The following FGF14 variants were observed in gnomAD, a reference collection of about 807,000 sequenced individuals.
FGF14 encodes fibroblast growth factor 14.
In FGF14, 5 loss-of-function variants were observed where a neutral mutation model predicts 25.5. The observed-to-expected ratio is 0.20, with a 90% CI of 0.10 to 0.41. The LOEUF is 0.41. Among genes scored for constraint, FGF14 ranks in the 10% least tolerant of loss-of-function variants. The pLI is 1.00. For synonymous variants in FGF14, 138 were observed against 118.3 expected (o/e 1.17, Z -1.08); for missense variants, 222 against 320.1 (o/e 0.69, Z 2.34).
At chr13:101,759,875 G>T (rs2037903161) in intron 3 of FGF14, among the ~76,000 whole-genome samples, 1 of 152,100 alleles carries the variant, frequency 6.6e-6, no homozygotes, top group Non-Finnish European at 1.5e-5. Flanking sequence ...ATAAATGAAA[G>T]GATCAGCCTG....
In FGF14 at chr13:101,718,863, A is replaced by G. The variant is rs1447702143; in HGVS notation, c.*3968T>C. The G allele has an allele frequency of 6.6e-6, 1 of 151,980 alleles. No homozygotes were observed. The highest frequency in any genetic ancestry group is 1.5e-5 in the Non-Finnish European group (1 of 67,988). 9.4% of individuals were successfully genotyped at this position (151,980 alleles called of 1,614,324 possible). A position where few individuals can be genotyped will look rare whatever the true frequency, so the allele number is the denominator to read the frequency against. On this transcript the variant is annotated 3_prime_UTR_variant, in exon 5 of 5. Transcript: ENST00000376143. Reference sequence around the variant, plus strand: ...CACTTTGAAACCCTACTCCATATTCAAGAGAGTCAACAGGCCCTATGTCAC... The same window carrying G: ...CACTTTGAAACCCTACTCCATATTCGAGAGAGTCAACAGGCCCTATGTCAC...
At position 102,105,552 on chromosome 13, in the gene FGF14, C is replaced by T. The variant is rs571662708; in HGVS notation, c.209-230256G>A. 1.2e-3 allele frequency among the ~76,000 whole-genome samples: 187 copies of T among 152,232 alleles called. 2 individuals are homozygous for T. Among genetic ancestry groups the T allele is most frequent in the African/African-American group, 4.2e-3 (174 of 41,544 alleles). On this transcript the variant is annotated intron_variant, in intron 1 of 4. Transcript: ENST00000376131. ...GCATTTTTATCACTGATAATCATTA[C>T]CTTCAATGGAGAGTTTTCTGCATTA...
chr13:101,878,460 C>T (rs1185718541), intron 1 of FGF14, among the ~76,000 whole-genome samples: 1 of 152,042 alleles, frequency 6.6e-6, no homozygotes, highest in East Asian at 1.9e-4. Context: ...TTATGTGTTC[C>T]TGGTTAAGTA....
At chr13:102,326,701 A>AGGGAAGGGAAG (rs1436522706) in intron 1 of FGF14, among the ~76,000 whole-genome samples, 1 of 50,660 alleles carries the variant, frequency 2.0e-5, no homozygotes, top group African/African-American at 1.3e-4. Flanking sequence ...AAGGGAAGGA[A>AGGGAAGGGAAG]GGAAGGAAGG....
chr13:102,199,153 T>G (rs536177611), intron 1 of FGF14, among the ~76,000 whole-genome samples: 1 of 152,252 alleles, frequency 6.6e-6, no homozygotes, highest in African/African-American at 2.4e-5. Flanking sequence ...TATTGCTTCA[T>G]AGTGGAAACT....
At chr13:102,395,278 G>C (rs746681173) in intron 1 of FGF14, 1 of 152,276 alleles carries the variant, frequency 6.6e-6, no homozygotes, top group South Asian at 2.1e-4. Context: ...GAAAATTAAA[G>C]ATTAAAAAAG....
rs2034535030 is a variant in FGF14 at position 101,712,792 on chromosome 13, G to T, written c.*10039C>A. The T allele has an allele frequency of 6.6e-6, 1 of 152,086 alleles. No individual in the cohort carries two copies. Among genetic ancestry groups the T allele is most frequent in the Non-Finnish European group, 1.5e-5 (1 of 68,008 alleles). 9.4% of individuals were successfully genotyped at this position (152,086 alleles called of 1,614,324 possible). On this transcript the variant is annotated 3_prime_UTR_variant, in exon 5 of 5. Transcript: ENST00000376143. ...TACATTTTTTTATGCCTAGAAATGT[G>T]AAAGAAAGTCTTCAAAATTAGGATA...
At chr13:102,056,656 G>GT (rs1472121921) in intron 1 of FGF14, among the ~76,000 whole-genome samples, 2 of 151,842 alleles carry the variant, frequency 1.3e-5, no homozygotes, top group Non-Finnish European at 2.9e-5. Context: ...ATTAAAAGCT[G>GT]TATTTTTGTC....
At chr13:102,153,145 C>G (rs778311962) in intron 1 of FGF14, among the ~76,000 whole-genome samples, 1 of 152,158 alleles carries the variant, frequency 6.6e-6, no homozygotes, top group Non-Finnish European at 1.5e-5. Context: ...TGTAGACATA[C>G]CTGACATTTT....
At position 102,344,159 on chromosome 13, in the gene FGF14, C is replaced by T. The variant is rs192006280; in HGVS notation, c.208+57312G>A. ...GATCCTCCATGAATAAATTATCCTG[C>T]GGCTATGATATTTTTAAAATTACCT... On this transcript the variant is annotated intron_variant, in intron 1 of 4. Coordinates refer to the FGF14 transcript ENST00000376131. Among the ~76,000 whole-genome samples the T allele has an allele frequency of 1.1e-3, 165 of 152,240 alleles. 2 individuals are homozygous for T. The highest frequency in any genetic ancestry group is 3.6e-3 in the African/African-American group (148 of 41,550).
chr13:102,350,323 T>C (rs1365713668), intron 1 of FGF14, among the ~76,000 whole-genome samples: 1 of 151,856 alleles, frequency 6.6e-6, no homozygotes, highest in Non-Finnish European at 1.5e-5. Context: ...GAGCTATAAT[T>C]GTGCCATCGC....
chr13:102,161,043 TAGAG>T (rs1181266273), intron 1 of FGF14, among the ~76,000 whole-genome samples: 10 of 151,620 alleles, frequency 6.6e-5, no homozygotes, highest in African/African-American at 9.7e-5. Context: ...ATGGAAAAAA[TAGAG>T]AGGAAAATAA....
chr13:102,085,223 A>ACCT (rs2043838970), intron 1 of FGF14, among the ~76,000 whole-genome samples: 1 of 150,634 alleles, frequency 6.6e-6, no homozygotes, highest in African/African-American at 2.4e-5. Context: ...TTTTTCCCCC[A>ACCT]CCTCCTATGT....
intron 1 of FGF14, among the ~76,000 whole-genome samples, chr13:102,132,672 A>C (rs902199004): frequency 1.2e-4 from 18 of 152,020 alleles, no homozygotes; most frequent in African/African-American, 3.9e-4. Context: ...GTGCATCACC[A>C]CATCACTTGG....
chr13:102,028,475 T>C (rs1271091094), intron 1 of FGF14, among the ~76,000 whole-genome samples: 1 of 152,098 alleles, frequency 6.6e-6, no homozygotes, highest in Non-Finnish European at 1.5e-5. Context: ...TTCAGAATGA[T>C]GAGAAGCAAG....
chr13:102,153,823 C>T (rs193155828), intron 1 of FGF14, among the ~76,000 whole-genome samples: 27 of 152,230 alleles, frequency 1.8e-4, no homozygotes, highest in Middle Eastern at 3.4e-3. Context: ...AAGGACGAAT[C>T]ACAAGTAATC....
intron 1 of FGF14, among the ~76,000 whole-genome samples, chr13:101,966,404 G>A (rs2037196042): frequency 6.6e-6 from 1 of 152,194 alleles, no homozygotes; most frequent in South Asian, 2.1e-4. Flanking sequence ...ACTCTGGAGG[G>A]AGCATGGTTC....
intron 3 of FGF14, among the ~76,000 whole-genome samples, chr13:101,810,583 C>A (rs1364668575): frequency 1.3e-5 from 2 of 152,160 alleles, no homozygotes; most frequent in Non-Finnish European, 2.9e-5. Flanking sequence ...CCTGTCCTTG[C>A]CAGTCTTCCA....
intron 3 of FGF14, among the ~76,000 whole-genome samples, chr13:101,859,357 C>T (rs1202213582): frequency 1.3e-5 from 2 of 152,046 alleles, no homozygotes; most frequent in Non-Finnish European, 2.9e-5. Flanking sequence ...TCAAAATGTC[C>T]TTCAATGGTT....
Sources: gnomAD v4.1 joint callset for allele counts (sites outside exome capture counted in the v4.1 genomes callset) on GRCh38, gnomAD v4.1.1 for gene constraint, MANE v1.5 for transcripts, NCBI Gene and HGNC (gene_info 2026-07-23, HGNC 2026-07-21) for gene names.